Variants in GABRB1 observed in about 807,000 individuals in gnomAD.
GABRB1 encodes the protein gamma-aminobutyric acid receptor subunit beta-1.
A neutral mutation model predicts 51.6 loss-of-function variants in GABRB1; 17 were observed. The observed-to-expected ratio is 0.33, with a 90% CI of 0.23 to 0.49. GABRB1 has a LOEUF of 0.49. Among genes scored for constraint, GABRB1 ranks in the 20% least tolerant of loss-of-function variants. The pLI is 0.99. For missense variants in GABRB1, 410 were observed against 600.6 expected (o/e 0.68, Z 3.32); for synonymous variants, 247 against 218.9 (o/e 1.13, Z -1.14).
At chr4:47,094,136 T>C (rs968443078) in intron 3 of GABRB1, among the ~76,000 whole-genome samples, 3 of 151,492 alleles carry the variant, frequency 2.0e-5, no homozygotes, top group Non-Finnish European at 2.9e-5. Context: ...TTGGCTATGA[T>C]TGGAAAAAAC....
At chr4:47,188,144 C>T (rs1327829815) in intron 4 of GABRB1, among the ~76,000 whole-genome samples, 2 of 151,934 alleles carry the variant, frequency 1.3e-5, no homozygotes, top group African/African-American at 4.8e-5. Flanking sequence ...ATGATTGCCA[C>T]ACAGTGGGTT....
At chr4:47,234,294 T>C (rs1181169086) in intron 4 of GABRB1, among the ~76,000 whole-genome samples, 1 of 151,966 alleles carries the variant, frequency 6.6e-6, no homozygotes, top group African/African-American at 2.4e-5. Flanking sequence ...TCGAGACCAG[T>C]CTGACTAACA....
intron 3 of GABRB1, among the ~76,000 whole-genome samples, chr4:47,124,248 A>T (rs1017517118): frequency 6.6e-6 from 1 of 152,000 alleles, no homozygotes; most frequent in African/African-American, 2.4e-5. Context: ...AGAGTTTTGC[A>T]AACAGAATGC....
At chr4:47,146,194 A>T (rs551496861) in intron 3 of GABRB1, among the ~76,000 whole-genome samples, 82 of 152,106 alleles carry the variant, frequency 5.4e-4, no homozygotes, top group Middle Eastern at 3.4e-3. Flanking sequence ...TACATTTTTT[A>T]AAAAAAATTT....
intron 5 of GABRB1, among the ~76,000 whole-genome samples, chr4:47,333,212 A>G (rs868324503): frequency 2.4e-5 from 2 of 82,430 alleles, no homozygotes; most frequent in Admixed American, 2.6e-4. Flanking sequence ...ATATATATAT[A>G]TATATATATA....
At chr4:47,282,564 A>T (rs983621292) in intron 4 of GABRB1, among the ~76,000 whole-genome samples, 3 of 148,598 alleles carry the variant, frequency 2.0e-5, no homozygotes, top group African/African-American at 7.4e-5. Flanking sequence ...AACTAAGCAT[A>T]AAAAAAAAAC....
intron 3 of GABRB1, among the ~76,000 whole-genome samples, chr4:47,129,704 A>C (rs1049734468): frequency 5.3e-5 from 8 of 152,192 alleles, no homozygotes; most frequent in African/African-American, 1.9e-4. Flanking sequence ...CTGGAAAAAG[A>C]AATACTTAAA....
chr4:47,103,590 A>T (rs1171475030), intron 3 of GABRB1, among the ~76,000 whole-genome samples: 1 of 152,010 alleles, frequency 6.6e-6, no homozygotes, highest in African/African-American at 2.4e-5. Flanking sequence ...GAACGTTTAG[A>T]TTAGATCAAG....
intron 3 of GABRB1, among the ~76,000 whole-genome samples, chr4:47,146,062 C>A (rs1717157912): frequency 6.6e-6 from 1 of 152,026 alleles, no homozygotes; most frequent in African/African-American, 2.4e-5. Flanking sequence ...ACTCAAGCTG[C>A]TTTTCAAAAA....
At chr4:47,038,457 A>G (rs1725691931) in intron 3 of GABRB1, among the ~76,000 whole-genome samples, 1 of 152,208 alleles carries the variant, frequency 6.6e-6, no homozygotes, top group African/African-American at 2.4e-5. Flanking sequence ...GGAGCTGTCC[A>G]TTGTATTTAA....
At chr4:47,131,893 T>C (rs1373027751) in intron 3 of GABRB1, among the ~76,000 whole-genome samples, 1 of 151,326 alleles carries the variant, frequency 6.6e-6, no homozygotes, top group Non-Finnish European at 1.5e-5. Flanking sequence ...GCAATATAAT[T>C]TTTTTTTCAT....
rs370626543 is a variant in GABRB1 at position 47,156,884 on chromosome 4, C to T, written c.241-4365C>T. On this transcript the variant is annotated intron_variant, in intron 3 of 8. Coordinates refer to ENST00000295454, the MANE Select transcript of GABRB1 (RefSeq NM_000812.4). ...TCAGGAGGCTGAGGCAGGAGAATCTCTTGAACCTGGGAGGTAGAGGTTGCA... is the reference window on the plus strand; with the variant it reads ...TCAGGAGGCTGAGGCAGGAGAATCTTTTGAACCTGGGAGGTAGAGGTTGCA... 6.6e-5 allele frequency among the ~76,000 whole-genome samples: 10 copies of T among 152,198 alleles called. No homozygotes were observed. In the East Asian group the frequency reaches 1.7e-3, roughly 27 times the overall value.
intron 4 of GABRB1, among the ~76,000 whole-genome samples, chr4:47,174,612 A>G (rs1379706425): frequency 1.1e-5 from 1 of 90,826 alleles, no homozygotes; most frequent in Non-Finnish European, 2.7e-5. Context: ...TAATCATTTG[A>G]CTTAGATGAT....
intron 4 of GABRB1, among the ~76,000 whole-genome samples, chr4:47,299,084 T>G (rs374940801): frequency 3.3e-5 from 5 of 151,114 alleles, no homozygotes; most frequent in African/African-American, 1.2e-4. Context: ...ATACAAAAAT[T>G]AATTCAAGAT....
chr4:47,038,710 A>G (rs1205215015), intron 3 of GABRB1, among the ~76,000 whole-genome samples: 2 of 152,164 alleles, frequency 1.3e-5, no homozygotes, highest in Non-Finnish European at 2.9e-5. Context: ...GCCCCCAAAT[A>G]CTTCATAGCA....
At position 47,228,666 on chromosome 4, in the gene GABRB1, G is replaced by A. The variant is rs182793790; in HGVS notation, c.461+67197G>A. Among the ~76,000 whole-genome samples the A allele has an allele frequency of 1.5e-4, 23 of 152,164 alleles. 1 individual carries two copies. Among genetic ancestry groups the A allele is most frequent in the Admixed American group, 1.2e-3 (19 of 15,258 alleles). On this transcript the variant is annotated intron_variant, in intron 4 of 8. Coordinates refer to ENST00000295454, the MANE Select transcript of GABRB1 (RefSeq NM_000812.4). ...ACTTGTTACTAATTAACATGACACC[G>A]AAAGTAGGACTGGGCACAGGGAGAA...
At chr4:47,215,850 C>T (rs960470036) in intron 4 of GABRB1, among the ~76,000 whole-genome samples, 4 of 152,048 alleles carry the variant, frequency 2.6e-5, no homozygotes, top group African/African-American at 4.8e-5. Context: ...AATACTGCCT[C>T]TTTAGAAGCC....
chr4:47,076,426 G>A (rs939325882), intron 3 of GABRB1, among the ~76,000 whole-genome samples: 14 of 152,076 alleles, frequency 9.2e-5, no homozygotes, highest in African/African-American at 1.9e-4. Flanking sequence ...CTCCCTTTGT[G>A]AGTGATCCCT....
At chr4:47,402,774 A>C (rs544016849) in intron 5 of GABRB1, among the ~76,000 whole-genome samples, 1 of 152,368 alleles carries the variant, frequency 6.6e-6, no homozygotes, top group Non-Finnish European at 1.5e-5. Flanking sequence ...TAATAATATT[A>C]GCTATAATCA....
Sources: allele counts gnomAD v4.1 joint callset (sites outside exome capture counted in the v4.1 genomes callset), GRCh38; gene constraint gnomAD v4.1.1; transcripts MANE v1.5; gene names NCBI Gene and HGNC (gene_info 2026-07-23, HGNC 2026-07-21).